The following ATL2 variants were observed in gnomAD, a reference collection of about 807,000 sequenced individuals.
The protein encoded by ATL2 is atlastin-2.
ATL2 carries 31 observed loss-of-function variants against 73.9 expected under a neutral mutation model. The ratio of observed to expected loss-of-function variants is 0.42; its 90% CI spans 0.32 to 0.57. The LOEUF is 0.57. ATL2 is among the 20% of genes least tolerant of loss of function. The pLI is 0.14. For missense variants in ATL2, 738 were observed against 702.6 expected, an observed-to-expected ratio of 1.05 and a Z score of -0.57; for synonymous variants, 291 against 237.5, an observed-to-expected ratio of 1.23 and a Z score of -2.07.
chr2:38,296,169 C>T, intron 12 of ATL2, 56 bp from the exon 13 acceptor site: 1 of 1,490,074 alleles, frequency 6.7e-7, no homozygotes, highest in Non-Finnish European at 9.0e-7. Context: ...AAAAGAGTTA[C>T]ATATAAAAAT....
In ATL2 at chr2:38,295,358, G is replaced by C. The variant is rs889280494; in HGVS notation, c.*636C>G. On this transcript the variant is annotated 3_prime_UTR_variant, in exon 13 of 13. Transcript: ENST00000378954. ...ATACATGAAGGCTAAACTGCAAAAA[G>C]ACAGTTCAGTTTCCCAGATATGCAT... is the stretch of plus-strand genomic sequence containing the variant. 7 of 152,110 alleles carry C rather than the reference G, an allele frequency of 4.6e-5. No homozygotes were observed. The highest frequency in any genetic ancestry group is 1.4e-4 in the African/African-American group (6 of 41,428). 9.4% of individuals were successfully genotyped at this position (152,110 alleles called of 1,614,324 possible). A position where few individuals can be genotyped will look rare whatever the true frequency, so the allele number is the denominator to read the frequency against.
At chr2:38,320,523 G>A (rs989273186) in intron 2 of ATL2, among the ~76,000 whole-genome samples, 2 of 152,060 alleles carry the variant, frequency 1.3e-5, no homozygotes, top group African/African-American at 4.8e-5. Flanking sequence ...GAACCACAGG[G>A]CTAAATTGTT....
Position 38,298,125 on chromosome 2 carries a change from C to G in ATL2, c.1632+19G>C, listed in dbSNP as rs767742544. 6.3e-7 allele frequency: 1 copy of G among 1,576,848 alleles called. No individual in the cohort carries two copies. Among genetic ancestry groups the G allele is most frequent in the Admixed American group, 1.8e-5 (1 of 54,408 alleles). On this transcript the variant is annotated intron_variant, in intron 12 of 12. Coordinates refer to ENST00000378954, the MANE Select transcript of ATL2 (RefSeq NM_001135673.4). ...GAAAATAAGATTAGTCACTAAAAAA[C>G]CAAAAGATAGATACCAACCTGTTCC...
At chr2:38,369,208 G>C (rs1671521533) in intron 1 of ATL2, among the ~76,000 whole-genome samples, 1 of 151,982 alleles carries the variant, frequency 6.6e-6, no homozygotes, top group African/African-American at 2.4e-5. Context: ...CCAGCACTTT[G>C]GGAGGCCAAG....
chr2:38,367,718 C>G (rs1437157409), intron 1 of ATL2, among the ~76,000 whole-genome samples: 3 of 150,872 alleles, frequency 2.0e-5, no homozygotes, highest in African/African-American at 7.3e-5. Context: ...CTGCCACCTC[C>G]GCCTCCAGGG....
In ATL2 at chr2:38,320,064, G is replaced by A. The variant is rs138069737; in HGVS notation, c.364-1045C>T. Among the ~76,000 whole-genome samples the A allele has an allele frequency of 6.8e-3, 1,039 of 152,192 alleles. 11 individuals carry two copies. Among genetic ancestry groups the A allele is most frequent in the East Asian group, 0.056 (290 of 5,172 alleles). On this transcript the variant is annotated intron_variant, in intron 2 of 12. Coordinates refer to ENST00000378954, the MANE Select transcript of ATL2 (RefSeq NM_001135673.4). ...AGAGGTTGCAGTGAGCAGAGATCGC[G>A]CCACTGCACTCCAGCCTGGCCAAAA...
At chr2:38,342,448 T>C (rs1015082657) in intron 2 of ATL2, among the ~76,000 whole-genome samples, 3 of 152,084 alleles carry the variant, frequency 2.0e-5, no homozygotes, top group South Asian at 4.1e-4. Context: ...AAGAATACCA[T>C]AATATTTGAG....
intron 1 of ATL2, among the ~76,000 whole-genome samples, chr2:38,368,935 T>C (rs1174540646): frequency 2.6e-5 from 4 of 151,816 alleles, no homozygotes; most frequent in Admixed American, 2.6e-4. Context: ...AAAAAGTAAA[T>C]AAACTAATTC....
chr2:38,315,532 G>A (rs975394265), intron 4 of ATL2, among the ~76,000 whole-genome samples, 198 bp from the exon 5 acceptor site: 1 of 152,046 alleles, frequency 6.6e-6, no homozygotes, highest in Non-Finnish European at 1.5e-5. Context: ...TATTAAGGAA[G>A]AAGCAGTGGT....
chr2:38,296,477 T>C (rs1363894837), intron 12 of ATL2: 10 of 1,605,694 alleles, frequency 6.2e-6, no homozygotes, highest in Non-Finnish European at 8.5e-6. Context: ...AGGTTAAAAA[T>C]ACTGTCTAAT....
intron 9 of ATL2, among the ~76,000 whole-genome samples, chr2:38,308,776 T>A (rs547538990): frequency 1.3e-5 from 2 of 152,146 alleles, no homozygotes; most frequent in Non-Finnish European, 2.9e-5. Context: ...AAATAAATTT[T>A]AAAAAATTCA....
At chr2:38,312,315 C>T (rs951132614) in intron 7 of ATL2, among the ~76,000 whole-genome samples, 3 of 152,152 alleles carry the variant, frequency 2.0e-5, no homozygotes, top group African/African-American at 7.2e-5. Context: ...AGAAATCCCC[C>T]TTGCTGTTCT....
intron 1 of ATL2, chr2:38,354,184 C>CAAAAAA: frequency 2.4e-6 from 1 of 411,612 alleles, no homozygotes; most frequent in South Asian, 1.7e-5. Flanking sequence ...GACTCTGTCT[C>CAAAAAA]AAAAAAAAGC....
chr2:38,354,164 G>A (rs901634337), intron 1 of ATL2: 11 of 421,452 alleles, frequency 2.6e-5, no homozygotes, highest in East Asian at 8.6e-5. Context: ...CCAACCTGGC[G>A]ACAGAGCAAG....
intron 1 of ATL2, among the ~76,000 whole-genome samples, chr2:38,372,879 A>T (rs1264349071): frequency 6.6e-6 from 1 of 152,206 alleles, no homozygotes; most frequent in African/African-American, 2.4e-5. Flanking sequence ...TACAGCTAAA[A>T]TTTAAAACTT....
At chr2:38,329,358 G>A (rs754807159) in intron 2 of ATL2, among the ~76,000 whole-genome samples, 12 of 140,348 alleles carry the variant, frequency 8.6e-5, no homozygotes, top group Non-Finnish European at 1.5e-5. Flanking sequence ...AACTCAGGAG[G>A]CAGAGGGTGC....
rs1474892659 is a variant in ATL2 at position 38,317,183 on chromosome 2, T to C, written c.603+1352A>G. Among the ~76,000 whole-genome samples, 3 of 152,060 alleles carry C rather than the reference T, an allele frequency of 2.0e-5. No individual in the cohort carries two copies. The East Asian group carries it at 5.8e-4, about 29-fold the overall frequency. ...AAAAATCCAAGACACTGTGACAGCA[T>C]CACCTATGATCTACCATTGATAAGA... On this transcript the variant is annotated intron_variant, in intron 4 of 12. Coordinates refer to ENST00000378954, the MANE Select transcript of ATL2 (RefSeq NM_001135673.4).
chr2:38,307,244 G>C (rs922108121), intron 9 of ATL2, among the ~76,000 whole-genome samples: 9 of 152,118 alleles, frequency 5.9e-5, no homozygotes, highest in African/African-American at 1.9e-4. Flanking sequence ...TGTAATCCCA[G>C]CTACTTTTTT....
chr2:38,346,748 C>T (rs1670037586), intron 1 of ATL2, among the ~76,000 whole-genome samples: 1 of 152,192 alleles, frequency 6.6e-6, no homozygotes, highest in African/African-American at 2.4e-5. Flanking sequence ...GCCTGCTACT[C>T]CCCTCTTGCT....
Sources: gnomAD v4.1 joint callset for allele counts (sites outside exome capture counted in the v4.1 genomes callset) on GRCh38, gnomAD v4.1.1 for gene constraint, MANE v1.5 for transcripts, NCBI Gene and HGNC (gene_info 2026-07-23, HGNC 2026-07-21) for gene names.